The following PRKG1 variants were observed in gnomAD, a reference collection of about 807,000 sequenced individuals.
The protein encoded by PRKG1 is protein kinase cGMP-dependent 1, also known as cGMP-dependent protein kinase 1.
In PRKG1, 35 loss-of-function variants were observed where a neutral mutation model predicts 88.1. That is an observed-to-expected ratio of 0.40 (90% CI 0.30 to 0.53). The LOEUF (loss-of-function observed/expected upper bound fraction) is 0.53. Ranked by LOEUF, PRKG1 falls within the 20% of genes least tolerant of loss-of-function variation. The pLI, the probability that PRKG1 is intolerant of heterozygous loss-of-function variation, is 0.59. For missense variants in PRKG1, 540 were observed against 839.8 expected, an observed-to-expected ratio of 0.64 and a Z score of 4.41; for synonymous variants, 303 against 292.5, an observed-to-expected ratio of 1.04 and a Z score of -0.37.
At chr10:51,680,037 G>C (rs1489263678) in intron 3 of PRKG1, among the ~76,000 whole-genome samples, 1 of 152,104 alleles carries the variant, frequency 6.6e-6, no homozygotes, top group Non-Finnish European at 1.5e-5. Flanking sequence ...CCACATCTCA[G>C]ATGGAAAAGG....
chr10:51,091,839 TC>T (rs2131865719), intron 1 of PRKG1, among the ~76,000 whole-genome samples: 1 of 152,262 alleles, frequency 6.6e-6, no homozygotes, highest in South Asian at 2.1e-4. Flanking sequence ...GAATAATTGC[TC>T]CATTTTAGGG....
chr10:51,289,661 A>G (rs1356531415), intron 2 of PRKG1, among the ~76,000 whole-genome samples: 1 of 151,788 alleles, frequency 6.6e-6, no homozygotes, highest in South Asian at 2.1e-4. Flanking sequence ...CTCTGGTGGT[A>G]GATTCCATGA....
At chr10:51,847,965 G>A (rs1429006543) in intron 4 of PRKG1, among the ~76,000 whole-genome samples, 3 of 142,702 alleles carry the variant, frequency 2.1e-5, no homozygotes, top group East Asian at 2.2e-4. Flanking sequence ...TATGCATGAC[G>A]TTTCATGGTT....
intron 7 of PRKG1, among the ~76,000 whole-genome samples, chr10:52,131,575 G>A (rs1400465688): frequency 1.3e-5 from 2 of 151,880 alleles, no homozygotes; most frequent in Admixed American, 6.6e-5. Context: ...GGCTGGGCGC[G>A]GTGGCTCACA....
At chr10:51,103,862 C>T (rs1844749087) in intron 1 of PRKG1, among the ~76,000 whole-genome samples, 1 of 152,114 alleles carries the variant, frequency 6.6e-6, no homozygotes, top group South Asian at 2.1e-4. Context: ...TTACCTAAAA[C>T]AGAAATGAAC....
chr10:51,005,899 A>G (rs1266954974), intron 1 of PRKG1, among the ~76,000 whole-genome samples: 1 of 152,194 alleles, frequency 6.6e-6, no homozygotes, highest in African/African-American at 2.4e-5. Context: ...TTCGTTGTTC[A>G]GTTCTCAGGA....
At chr10:51,727,000 C>T (rs553456317) in intron 3 of PRKG1, among the ~76,000 whole-genome samples, 62 of 152,094 alleles carry the variant, frequency 4.1e-4, no homozygotes, top group Non-Finnish European at 6.3e-4. Flanking sequence ...AAGCTGGTCT[C>T]GATTTCCTGA....
At chr10:51,570,067 A>ATATATATACATATATG (rs1491310201) in intron 3 of PRKG1, among the ~76,000 whole-genome samples, 1 of 113,078 alleles carries the variant, frequency 8.8e-6, no homozygotes, top group South Asian at 2.7e-4. Context: ...ATATATATAT[A>ATATATATACATATATG]TGTGTGTGTG....
intron 14 of PRKG1, 95 bp from the exon 15 acceptor site, chr10:52,288,631 A>G (rs1322528529): frequency 1.5e-6 from 2 of 1,299,182 alleles, no homozygotes; most frequent in Non-Finnish European, 2.1e-6. Flanking sequence ...GCCCCCAAAT[A>G]TGAATTGATG....
chr10:51,911,114 T>C (rs919993371), intron 5 of PRKG1: 3 of 152,198 alleles, frequency 2.0e-5, no homozygotes, highest in African/African-American at 7.2e-5. Flanking sequence ...TGTTCAAGTA[T>C]AAAAAATTTA....
chr10:51,269,943 G>C (rs760870741), intron 2 of PRKG1, among the ~76,000 whole-genome samples: 60 of 152,148 alleles, frequency 3.9e-4, no homozygotes, highest in Non-Finnish European at 7.9e-4. Context: ...ATGCAGTTTG[G>C]ATCAGGGCTT....
At chr10:52,172,912 C>T (rs1838747687) in intron 9 of PRKG1, among the ~76,000 whole-genome samples, 1 of 152,212 alleles carries the variant, frequency 6.6e-6, no homozygotes, top group South Asian at 2.1e-4. Flanking sequence ...CACCCTGGCT[C>T]CTTGGACCCT....
intron 3 of PRKG1, among the ~76,000 whole-genome samples, chr10:51,727,215 A>G (rs1056731434): frequency 2.0e-5 from 3 of 151,520 alleles, no homozygotes; most frequent in Non-Finnish European, 4.4e-5. Flanking sequence ...CTGAGACGGG[A>G]GGATACCTGG....
At chr10:51,364,197 C>T (rs1315477923) in intron 2 of PRKG1, among the ~76,000 whole-genome samples, 1 of 151,956 alleles carries the variant, frequency 6.6e-6, no homozygotes, top group Non-Finnish European at 1.5e-5. Context: ...AGTCCATTTA[C>T]TTGAAACTGG....
At chr10:52,024,450 G>A (rs1251169252) in intron 5 of PRKG1, among the ~76,000 whole-genome samples, 1 of 151,790 alleles carries the variant, frequency 6.6e-6, no homozygotes, top group Admixed American at 6.6e-5. Flanking sequence ...ATTTACATTA[G>A]GTATTTCTCC....
At chr10:52,049,309 G>T in intron 5 of PRKG1, among the ~76,000 whole-genome samples, 1 of 152,092 alleles carries the variant, frequency 6.6e-6, no homozygotes, top group Admixed American at 6.6e-5. Context: ...AGGACCAGTT[G>T]AGTGCAAAGT....
intron 4 of PRKG1, among the ~76,000 whole-genome samples, chr10:51,898,411 G>A (rs909855349): frequency 6.6e-6 from 1 of 151,886 alleles, no homozygotes; most frequent in South Asian, 2.1e-4. Context: ...TGATGAATAA[G>A]CTGAAATCTT....
intron 3 of PRKG1, among the ~76,000 whole-genome samples, chr10:51,790,757 T>A (rs1838849149): frequency 1.3e-5 from 2 of 152,186 alleles, no homozygotes; most frequent in African/African-American, 4.8e-5. Flanking sequence ...TGCCTCATAG[T>A]TACTTCAAAA....
chr10:51,643,533 C>T (rs1233619850), intron 3 of PRKG1, among the ~76,000 whole-genome samples: 1 of 152,082 alleles, frequency 6.6e-6, no homozygotes. Flanking sequence ...ATAAACTTGA[C>T]ATTTAAAGGA....
Sources: gnomAD v4.1 joint callset for allele counts (sites outside exome capture counted in the v4.1 genomes callset) on GRCh38, gnomAD v4.1.1 for gene constraint, MANE v1.5 for transcripts, NCBI Gene and HGNC (gene_info 2026-07-23, HGNC 2026-07-21) for gene names.